Variants in LRRC4B observed in about 807,000 individuals in gnomAD.
LRRC4B encodes the protein leucine rich repeat containing 4B.
Under a neutral mutation model 7.3 loss-of-function variants are expected in LRRC4B, and 1 was observed. The ratio of observed to expected loss-of-function variants is 0.14; its 90% CI spans 0.05 to 0.65. LRRC4B has a LOEUF of 0.65. Among genes scored for constraint, LRRC4B ranks in the 30% least tolerant of loss-of-function variants. LRRC4B has a pLI of 0.84. For synonymous variants in LRRC4B, 500 were observed against 499.2 expected (o/e 1.00, Z -0.02); for missense variants, 730 against 1,041.6 (o/e 0.70, Z 4.12).
chr19:50,567,717 C>G (rs1200381808), intron 1 of LRRC4B, among the ~76,000 whole-genome samples: 1 of 144,986 alleles, frequency 6.9e-6, no homozygotes, highest in Non-Finnish European at 1.5e-5. Context: ...CGACAACCAC[C>G]CCCCCCACAG....
chr19:50,521,349 T>G (rs1350812478), intron 2 of LRRC4B, among the ~76,000 whole-genome samples: 2 of 152,126 alleles, frequency 1.3e-5, no homozygotes, highest in Non-Finnish European at 2.9e-5. Context: ...GGTGGTTACA[T>G]GACGGAAAGC....
chr19:50,568,043 G>A lies in LRRC4B; in HGVS notation c.-135C>T, dbSNP rs1162129894. 1 of 151,346 alleles carries A rather than the reference G, an allele frequency of 6.6e-6. No individual in the cohort carries two copies. Among genetic ancestry groups the A allele is most frequent in the Admixed American group, 6.6e-5 (1 of 15,240 alleles). 9.4% of individuals were successfully genotyped at this position (151,346 alleles called of 1,614,324 possible). A position where few individuals can be genotyped will look rare whatever the true frequency, so the allele number is the denominator to read the frequency against. On this transcript the variant is annotated 5_prime_UTR_variant, in exon 1 of 3. Coordinates refer to ENST00000652263, the MANE Select transcript of LRRC4B (RefSeq NM_001080457.2). ...GAATTTGGGGTGCAAGGCCCGCTGC[G>A]GGGAGGCGCGGGGGGCGGGGCTGCG...
At position 50,555,903 on chromosome 19, in the gene LRRC4B, A is replaced by T. The variant is rs1358909590; in HGVS notation, c.-35-7030T>A. ...CTGCGAGGGACTGGGGCAGAAGTGG[A>T]GCCTGGAGCCCAGAGGGTGGAGAGG... is the stretch of plus-strand genomic sequence containing the variant. On this transcript the variant is annotated intron_variant, in intron 1 of 2. Coordinates refer to ENST00000652263, the MANE Select transcript of LRRC4B (RefSeq NM_001080457.2). The surrounding 1 kb of genome is among the most constrained non-coding windows in gnomAD (Gnocchi z 5.2). 6.6e-6 allele frequency: 1 copy of T among 152,314 alleles called. No individual in the cohort carries two copies. Among genetic ancestry groups the T allele is most frequent in the Non-Finnish European group, 1.5e-5 (1 of 68,216 alleles). The allele number at this position is 152,314 out of a possible 1,614,324, so 9.4% of individuals were successfully genotyped here. A position where few individuals can be genotyped will look rare whatever the true frequency, so the allele number is the denominator to read the frequency against.
In LRRC4B at chr19:50,516,928, A is replaced by G. The variant is rs375588067; in HGVS notation, c.*643T>C. The G allele has an allele frequency of 8.9e-5, 13 of 145,834 alleles. No homozygotes were observed. In the South Asian group the frequency reaches 1.5e-3, roughly 17 times the overall value. The allele number at this position is 145,834 out of a possible 1,614,324, so 9.0% of individuals were successfully genotyped here. On this transcript the variant is annotated 3_prime_UTR_variant, in exon 3 of 3. Transcript: ENST00000652263. Reference sequence around the variant, plus strand: ...AAAAAAATATTTTTTTACTTTTTCCATGTTTTTTTTTTAAAGTAATTACAG... The same window carrying G: ...AAAAAAATATTTTTTTACTTTTTCCGTGTTTTTTTTTTAAAGTAATTACAG...
At chr19:50,533,812 C>G (rs1210462845) in intron 2 of LRRC4B, among the ~76,000 whole-genome samples, 3 of 152,228 alleles carry the variant, frequency 2.0e-5, no homozygotes, top group Non-Finnish European at 4.4e-5. Context: ...CCCTTCATAT[C>G]TGGTGGTTCA....
intron 2 of LRRC4B, among the ~76,000 whole-genome samples, chr19:50,538,230 T>C (rs1031468424): frequency 2.6e-5 from 4 of 152,186 alleles, no homozygotes; most frequent in Admixed American, 6.5e-5. Flanking sequence ...TCCCAGATAA[T>C]TTTTGTATTT....
At chr19:50,520,084 T>C (rs1980487757) in intron 2 of LRRC4B, among the ~76,000 whole-genome samples, 1 of 148,028 alleles carries the variant, frequency 6.8e-6, no homozygotes, top group African/African-American at 2.5e-5. Flanking sequence ...CATGTGCCTG[T>C]TGTCCCAGCT....
In LRRC4B at chr19:50,548,943, C is replaced by A; in HGVS notation, c.-35-70G>T. Reference sequence around the variant, plus strand: ...GAGCCCATGTGGCCTGGGTGCTTGCCAACACCCAGGCAGCCCCATCGCCGC... The same window carrying A: ...GAGCCCATGTGGCCTGGGTGCTTGCAAACACCCAGGCAGCCCCATCGCCGC... On this transcript the variant is annotated intron_variant, in intron 1 of 2. Transcript: ENST00000652263. The surrounding 1 kb of genome is among the most constrained non-coding windows in gnomAD (Gnocchi z 6.8). The A allele has an allele frequency of 2.4e-6, 2 of 839,754 alleles. No individual in the cohort carries two copies. The highest frequency in any genetic ancestry group is 3.6e-6 in the Non-Finnish European group (2 of 558,762). The allele number at this position is 839,754 out of a possible 1,614,324, so 52.0% of individuals were successfully genotyped here. A position where few individuals can be genotyped will look rare whatever the true frequency, so the allele number is the denominator to read the frequency against.
At chr19:50,530,458 C>A (rs1489307337) in intron 2 of LRRC4B, among the ~76,000 whole-genome samples, 1 of 152,250 alleles carries the variant, frequency 6.6e-6, no homozygotes, top group African/African-American at 2.4e-5. Context: ...GACGCCCTTC[C>A]CTTTCATCCA....
Position 50,556,707 on chromosome 19 carries a change from T to C in LRRC4B, c.-35-7834A>G, listed in dbSNP as rs865969424. ...CATCCTCAAGGCCGGCCAACGGCGC[T>C]GGCCCCTCCGAGCCTCAGTATTTGC... On this transcript the variant is annotated intron_variant, in intron 1 of 2. Coordinates refer to ENST00000652263, the MANE Select transcript of LRRC4B (RefSeq NM_001080457.2). The surrounding 1 kb of genome is among the most constrained non-coding windows in gnomAD (Gnocchi z 4.2). 5.3e-5 allele frequency among the ~76,000 whole-genome samples: 8 copies of C among 152,262 alleles called. No individual in the cohort carries two copies. Among genetic ancestry groups the C allele is most frequent in the Middle Eastern group, 3.4e-3 (1 of 294 alleles).
chr19:50,528,363 T>C (rs7256806), intron 2 of LRRC4B, among the ~76,000 whole-genome samples: 77,076 of 151,680 alleles, frequency 0.51, 20,038 homozygotes, highest in African/African-American at 0.6. Flanking sequence ...TTCTTTTTTT[T>C]AGATGGAATT....
At position 50,518,606 on chromosome 19, in the gene LRRC4B, C is replaced by G. The variant is rs954212354; in HGVS notation, c.1107G>C (p.Pro369=). ...FTCYAPVIVE[P]PTDLNVTEGM... is the part of the protein sequence containing the mutation. Reference sequence around the variant, plus strand: ...CCTCGGTGACGTTGAGGTCCGTGGGCGGCTCCACGATGACGGGCGCATAGC... The same window carrying G: ...CCTCGGTGACGTTGAGGTCCGTGGGGGGCTCCACGATGACGGGCGCATAGC... The change falls in exon 3 of 3, where the codon CCG becomes CCC. Residue 369 remains proline, a synonymous_variant. Coordinates refer to ENST00000652263, the MANE Select transcript of LRRC4B (RefSeq NM_001080457.2). The G allele has an allele frequency of 1.3e-6, 2 of 1,599,980 alleles. No individual in the cohort carries two copies. The highest frequency in any genetic ancestry group is 1.7e-6 in the Non-Finnish European group (2 of 1,171,060).
At chr19:50,536,441 C>A (rs1363954022) in intron 2 of LRRC4B, among the ~76,000 whole-genome samples, 5 of 152,170 alleles carry the variant, frequency 3.3e-5, no homozygotes, top group Non-Finnish European at 7.3e-5. Context: ...ATGAGACTTG[C>A]CGACTTTCTG....
At chr19:50,545,777 G>A (rs1196617889) in intron 2 of LRRC4B, among the ~76,000 whole-genome samples, 1 of 146,174 alleles carries the variant, frequency 6.8e-6, no homozygotes, top group Non-Finnish European at 1.5e-5. Flanking sequence ...AGGATGGAGT[G>A]CAGTGGTGAA....
At chr19:50,564,566 G>A (rs768992019) in intron 1 of LRRC4B, among the ~76,000 whole-genome samples, 1 of 152,068 alleles carries the variant, frequency 6.6e-6, no homozygotes, top group Non-Finnish European at 1.5e-5. Flanking sequence ...CAGACTAGAC[G>A]GATGGGCCAG....
intron 1 of LRRC4B, among the ~76,000 whole-genome samples, chr19:50,564,311 T>C (rs1444053986): frequency 6.6e-6 from 1 of 151,984 alleles, no homozygotes; most frequent in Non-Finnish European, 1.5e-5. Flanking sequence ...AAAATAACCC[T>C]CTTGGGCCGC....
Position 50,517,576 on chromosome 19 carries a change from T to A in LRRC4B, c.2137A>T (p.Ile713Phe). 3 of 1,436,320 alleles carry A rather than the reference T, an allele frequency of 2.1e-6. No homozygotes were observed. Among genetic ancestry groups the A allele is most frequent in the Non-Finnish European group, 9.1e-7 (1 of 1,093,534 alleles). 89.0% of individuals were successfully genotyped at this position (1,436,320 alleles called of 1,614,324 possible). The change falls in exon 3 of 3, where the codon ATC (isoleucine) becomes TTC (phenylalanine). Residue 713 changes from isoleucine (I) to phenylalanine (F), a missense_variant. By Grantham distance (21) the Ile-to-Phe change is conservative. This residue lies in a region of LRRC4B where 5 missense variants were observed against 18.5 expected (regional missense o/e 0.27). Coordinates refer to ENST00000652263, the MANE Select transcript of LRRC4B (RefSeq NM_001080457.2). This position sits in a 1 kb window ranked among gnomAD's most constrained non-coding sequence, Gnocchi z 6.6. ...GCCCGCCCGGCCCCGCCGCCTCAGA[T>A]CTGCGTCTCTTGCACGTTCTCCTTG... ...GSKENVQETQ[I>F]
chr19:50,531,248 C>G (rs1981047250), intron 2 of LRRC4B, among the ~76,000 whole-genome samples: 1 of 152,258 alleles, frequency 6.6e-6, no homozygotes, highest in African/African-American at 2.4e-5. Flanking sequence ...ATTTCAGAGA[C>G]AGGAGACCAA....
chr19:50,538,336 T>A, intron 2 of LRRC4B, among the ~76,000 whole-genome samples: 1 of 151,770 alleles, frequency 6.6e-6, no homozygotes, highest in East Asian at 1.9e-4. Flanking sequence ...GTGGTGGGAT[T>A]ACAGGCGCGA....
Sources: gnomAD v4.1 joint callset for allele counts (sites outside exome capture counted in the v4.1 genomes callset) on GRCh38, gnomAD v4.1.1 for gene constraint, gnomAD v4.1.1 regional missense constraint, Gnocchi (gnomAD v3.1) non-coding constraint, MANE v1.5 for transcripts, NCBI Gene and HGNC (gene_info 2026-07-23, HGNC 2026-07-21) for gene names.